Variants in TTLL7 observed in about 807,000 individuals in gnomAD.
TTLL7 encodes tubulin tyrosine ligase like 7.
Under a neutral mutation model 120.2 loss-of-function variants are expected in TTLL7, and 53 were observed. That is an observed-to-expected ratio of 0.44 (90% CI 0.35 to 0.55). TTLL7 has a LOEUF of 0.55. TTLL7 is among the 20% of genes least tolerant of loss of function. The pLI, the probability that TTLL7 is intolerant of heterozygous loss-of-function variation, is 0.00. For missense variants in TTLL7, 803 were observed against 1,054.7 expected (o/e 0.76, Z 3.31); for synonymous variants, 353 against 351.7 (o/e 1.00, Z -0.04).
chr1:83,891,853 G>GGA (rs1655504314), intron 18 of TTLL7, among the ~76,000 whole-genome samples: 1 of 151,546 alleles, frequency 6.6e-6, no homozygotes, highest in Admixed American at 6.6e-5. Context: ...TTTGAGGCAA[G>GGA]GTCTCGCTCT....
chr1:83,918,518 A>T (rs1327743331), intron 13 of TTLL7, among the ~76,000 whole-genome samples: 1 of 152,158 alleles, frequency 6.6e-6, no homozygotes, highest in African/African-American at 2.4e-5. Flanking sequence ...CTTTGTCCCA[A>T]TCTAAGGAAA....
chr1:83,945,325 C>A (rs1648380932), intron 6 of TTLL7, among the ~76,000 whole-genome samples: 1 of 152,134 alleles, frequency 6.6e-6, no homozygotes, highest in Non-Finnish European at 1.5e-5. Context: ...TGCAATAAAA[C>A]AGTAACCTGG....
chr1:83,915,474 C>CT, intron 14 of TTLL7, among the ~76,000 whole-genome samples: 1 of 152,120 alleles, frequency 6.6e-6, no homozygotes, highest in East Asian at 1.9e-4. Flanking sequence ...TTCCTTACAC[C>CT]TTATACTAAA....
intron 20 of TTLL7, among the ~76,000 whole-genome samples, chr1:83,871,876 G>A (rs1049234606): frequency 8.1e-5 from 10 of 124,148 alleles, no homozygotes; most frequent in South Asian, 2.5e-4. Flanking sequence ...GAGCCTGGGC[G>A]ACAGAGCAAG....
At chr1:83,880,152 G>C in intron 20 of TTLL7, 1 of 152,050 alleles carries the variant, frequency 6.6e-6, no homozygotes. Context: ...TCATATAAAA[G>C]TATTAATGAA....
At chr1:83,918,623 A>G (rs1046831518) in intron 13 of TTLL7, among the ~76,000 whole-genome samples, 20 of 152,200 alleles carry the variant, frequency 1.3e-4, no homozygotes, top group African/African-American at 4.8e-4. Flanking sequence ...CAATATAGCC[A>G]AAAAGAAACT....
intron 19 of TTLL7, among the ~76,000 whole-genome samples, chr1:83,888,137 T>A (rs969235004): frequency 6.6e-6 from 1 of 152,030 alleles, no homozygotes; most frequent in African/African-American, 2.4e-5. Flanking sequence ...AGATTATCTA[T>A]GGACTCAGAG....
rs146757862 is a variant in TTLL7 at position 83,932,890 on chromosome 1, G to C, written c.1047+718C>G. Among the ~76,000 whole-genome samples the C allele has an allele frequency of 2.7e-3, 405 of 152,156 alleles. 1 individual carries two copies. The highest frequency in any genetic ancestry group is 4.8e-3 in the Non-Finnish European group (326 of 67,994). ...GGGAACTGCTGGATGGGATCTTCTG[G>C]ACCACGTGACTTCTAAGGTTTCTTC... On this transcript the variant is annotated intron_variant, in intron 9 of 20. Transcript: ENST00000260505.
chr1:83,921,044 T>C lies in TTLL7; in HGVS notation c.1364+43A>G, dbSNP rs1190331045. 9.7e-6 allele frequency: 15 copies of C among 1,545,488 alleles called. 1 individual carries two copies. In the South Asian group the frequency reaches 1.2e-4, roughly 12 times the overall value. On this transcript the variant is annotated intron_variant, in intron 12 of 20. Coordinates refer to ENST00000260505, the MANE Select transcript of TTLL7 (RefSeq NM_024686.6). ...AAAACATGAAGAATCATTGCTTTGA[T>C]ACTTCATTTTTTCAATCTATACAAA...
intron 5 of TTLL7, 118 bp downstream of exon 5, chr1:83,948,510 C>G: frequency 1.5e-6 from 1 of 682,594 alleles, no homozygotes; most frequent in Non-Finnish European, 2.4e-6. Context: ...CTCCAAAATT[C>G]TATCACTCTC....
intron 18 of TTLL7, among the ~76,000 whole-genome samples, chr1:83,902,579 C>A (rs920423959): frequency 6.6e-6 from 1 of 151,974 alleles, no homozygotes; most frequent in Non-Finnish European, 1.5e-5. Flanking sequence ...ACCCAGTTCT[C>A]ATGGTTTTTT....
intron 9 of TTLL7, among the ~76,000 whole-genome samples, chr1:83,930,514 T>A (rs1484723563): frequency 6.6e-6 from 1 of 152,192 alleles, no homozygotes. Context: ...AAAGGGAGTT[T>A]ATTAATCTAT....
At chr1:83,911,494 T>C (rs907563930) in intron 14 of TTLL7, 131 bp from the exon 15 acceptor site, 3 of 704,488 alleles carry the variant, frequency 4.3e-6, no homozygotes, top group African/African-American at 3.6e-5. Context: ...CCCCAAATAC[T>C]ATTGCTGCCA....
At chr1:83,963,096 C>T (rs1650150218) in intron 1 of TTLL7, among the ~76,000 whole-genome samples, 1 of 152,078 alleles carries the variant, frequency 6.6e-6, no homozygotes, top group Admixed American at 6.6e-5. Flanking sequence ...ATCTGAATTT[C>T]CTCCAGTGAA....
rs1023071617 is a variant in TTLL7 at position 83,892,922 on chromosome 1, G to T, written c.2209-2441C>A. ...GAAAGAAGGAAAAAGAAAAAAGAAA[G>T]AAAAAGAGAAAGAAAGAAAGAAAGA... On this transcript the variant is annotated intron_variant, in intron 18 of 20. Coordinates refer to ENST00000260505, the MANE Select transcript of TTLL7 (RefSeq NM_024686.6). Among the ~76,000 whole-genome samples, 14 of 71,812 alleles carry T rather than the reference G, an allele frequency of 1.9e-4. No individual in the cohort carries two copies. The Admixed American group carries it at 2.6e-3, about 13-fold the overall frequency. 47.1% of individuals were successfully genotyped at this position (71,812 alleles called of 152,430 possible).
intron 1 of TTLL7, among the ~76,000 whole-genome samples, chr1:83,986,879 T>C (rs983872468): frequency 1.3e-4 from 20 of 152,232 alleles, no homozygotes; most frequent in African/African-American, 4.3e-4. Context: ...GGATGTCCAC[T>C]CTCACCACTT....
At chr1:83,932,573 A>G (rs561607258) in intron 9 of TTLL7, among the ~76,000 whole-genome samples, 6 of 151,950 alleles carry the variant, frequency 3.9e-5, no homozygotes, top group African/African-American at 1.2e-4. Context: ...GCGCGCGCAC[A>G]CACACACACA....
In TTLL7 at chr1:83,963,618, C is replaced by T. The variant is rs79084452; in HGVS notation, c.-176-11231G>A. Among the ~76,000 whole-genome samples the T allele has an allele frequency of 2.2e-3, 340 of 152,050 alleles. 1 individual carries two copies. The highest frequency in any genetic ancestry group is 7.9e-3 in the African/African-American group (327 of 41,484). The stretch of plus-strand genomic sequence containing the variant: ...TGCCACAACTCACGTGAAATAAGAG[C>T]AGGTTTCCTTACATGTTTCCTCCAT... On this transcript the variant is annotated intron_variant, in intron 1 of 20. Coordinates refer to ENST00000260505, the MANE Select transcript of TTLL7 (RefSeq NM_024686.6).
At chr1:83,902,350 AACTGTGGTGTTTTGCTTTCC>A (rs1656793601) in intron 18 of TTLL7, 1 of 151,938 alleles carries the variant, frequency 6.6e-6, no homozygotes, top group Admixed American at 6.6e-5. Flanking sequence ...TGCCTGTAGT[AACTGTGGTGTTTTGCTTTCC>A]ACTTTTCTTC....
Sources: allele counts gnomAD v4.1 joint callset (sites outside exome capture counted in the v4.1 genomes callset), GRCh38; gene constraint gnomAD v4.1.1; transcripts MANE v1.5; gene names NCBI Gene and HGNC (gene_info 2026-07-23, HGNC 2026-07-21).